Variants in MAP3K4 observed in about 807,000 individuals in gnomAD.
The protein encoded by MAP3K4 is MAP three kinase 1.
In MAP3K4, 67 loss-of-function variants were observed where a neutral mutation model predicts 185.6. The observed-to-expected ratio is 0.36, with a 90% CI of 0.30 to 0.44. The LOEUF (loss-of-function observed/expected upper bound fraction) is 0.44, where lower values mean the gene tolerates loss of function less well. Ranked by LOEUF, MAP3K4 falls within the 20% of genes least tolerant of loss-of-function variation. MAP3K4 has a pLI of 1.00. For missense variants in MAP3K4, 1,551 were observed against 1,995.1 expected (o/e 0.78, Z 4.24); for synonymous variants, 702 against 710.4 (o/e 0.99, Z 0.19).
At chr6:161,021,743 GT>G (rs1782400277) in intron 1 of MAP3K4, among the ~76,000 whole-genome samples, 1 of 152,158 alleles carries the variant, frequency 6.6e-6, no homozygotes, top group African/African-American at 2.4e-5. Context: ...ACAGTAATGT[GT>G]TTTTTCCTCT....
chr6:161,073,371 T>C lies in MAP3K4; in HGVS notation c.1951-95T>C. The C allele has an allele frequency of 7.8e-7, 1 of 1,279,854 alleles. No individual in the cohort carries two copies. The highest frequency in any genetic ancestry group is 1.0e-6 in the Non-Finnish European group (1 of 954,350). 79.3% of individuals were successfully genotyped at this position (1,279,854 alleles called of 1,614,324 possible). ...TAGGTTTTTTAGAGGCAAGGTTCCC[T>C]CTGAGTTTTTTGAAGATTTAAGTAG... On this transcript the variant is annotated intron_variant, in intron 4 of 26. Transcript: ENST00000392142. The surrounding 1 kb of genome is among the most constrained non-coding windows in gnomAD (Gnocchi z 4.2).
intron 11 of MAP3K4, among the ~76,000 whole-genome samples, chr6:161,089,830 A>G (rs1029166541): frequency 2.6e-5 from 4 of 152,208 alleles, no homozygotes; most frequent in African/African-American, 7.2e-5. Flanking sequence ...GGTACTCCAT[A>G]TCAGCAGTGT....
rs1228721037 is a variant in MAP3K4, at chr6:161,106,134, C to A, written c.3857-380C>A. On this transcript the variant is annotated intron_variant, in intron 19 of 26. Transcript: ENST00000392142. This position sits in a 1 kb window ranked among gnomAD's most constrained non-coding sequence, Gnocchi z 4.9. ...TACAAGAATGAGTCACTGCTCCAGG[C>A]CTCGTGAATTAAATTTATGTAGGAC... Among the ~76,000 whole-genome samples, 2 of 152,028 alleles carry A rather than the reference C, an allele frequency of 1.3e-5. No homozygotes were observed. Among genetic ancestry groups the A allele is most frequent in the African/African-American group, 4.8e-5 (2 of 41,386 alleles).
rs556175410 is a variant in MAP3K4, at chr6:161,034,772, C to G, written c.343+323C>G. ...ATAGATGGCCTTCTATTCTTTCAGT[C>G]TCTTAGGCTGAAGTTTCTAGATTTC... On this transcript the variant is annotated intron_variant, in intron 2 of 26. Coordinates refer to ENST00000392142, the MANE Select transcript of MAP3K4 (RefSeq NM_005922.4). This position sits in a 1 kb window ranked among gnomAD's most constrained non-coding sequence, Gnocchi z 4.4. 5.9e-5 allele frequency among the ~76,000 whole-genome samples: 9 copies of G among 152,246 alleles called. No homozygotes were observed. The highest frequency in any genetic ancestry group is 1.7e-4 in the African/African-American group (7 of 41,536).
At chr6:161,111,146 C>T (rs1178753673) in intron 23 of MAP3K4, among the ~76,000 whole-genome samples, 1 of 152,202 alleles carries the variant, frequency 6.6e-6, no homozygotes, top group Non-Finnish European at 1.5e-5. Flanking sequence ...GACCTCAGCT[C>T]ATCAGATGGC....
chr6:161,116,797 A>G lies in MAP3K4; in HGVS notation c.4807-53A>G, dbSNP rs1778606326. The stretch of plus-strand genomic sequence containing the variant: ...CGTAAGACTCATACTGCGCGTATGC[A>G]CAAGCACACACCTGGCTCTGCAAGA... On this transcript the variant is annotated intron_variant, in intron 26 of 26. Coordinates refer to ENST00000392142, the MANE Select transcript of MAP3K4 (RefSeq NM_005922.4). The surrounding 1 kb of genome is among the most constrained non-coding windows in gnomAD (Gnocchi z 6.2). 1.9e-6 allele frequency: 3 copies of G among 1,574,606 alleles called. No individual in the cohort carries two copies. The highest frequency in any genetic ancestry group is 1.7e-5 in the Admixed American group (1 of 59,886).
At chr6:161,001,261 G>C (rs1781310608) in intron 1 of MAP3K4, among the ~76,000 whole-genome samples, 1 of 151,166 alleles carries the variant, frequency 6.6e-6, no homozygotes, top group African/African-American at 2.4e-5. Flanking sequence ...AATTATAGGT[G>C]GAATCATGTA....
intron 1 of MAP3K4, among the ~76,000 whole-genome samples, chr6:161,031,493 T>C (rs1782926785): frequency 6.6e-6 from 1 of 152,198 alleles, no homozygotes. Flanking sequence ...AAGGTACTTC[T>C]TTATTTATTT....
Position 161,091,249 on chromosome 6 carries a change from C to T in MAP3K4, c.2974-130C>T, listed in dbSNP as rs1777290748. On this transcript the variant is annotated intron_variant, in intron 11 of 26. Coordinates refer to ENST00000392142, the MANE Select transcript of MAP3K4 (RefSeq NM_005922.4). The surrounding 1 kb of genome is among the most constrained non-coding windows in gnomAD (Gnocchi z 5.5). ...TAATTTCTTCTATATTTGGTAATTC[C>T]TTTACCAAGTGGCTGAATTGTTTGT... The T allele has an allele frequency of 3.2e-6, 2 of 624,972 alleles. No individual in the cohort carries two copies. Among genetic ancestry groups the T allele is most frequent in the South Asian group, 3.3e-5 (1 of 30,624 alleles). 38.7% of individuals were successfully genotyped at this position (624,972 alleles called of 1,614,324 possible). A position where few individuals can be genotyped will look rare whatever the true frequency, so the allele number is the denominator to read the frequency against.
chr6:160,998,645 A>G (rs932369548), intron 1 of MAP3K4, among the ~76,000 whole-genome samples: 1 of 152,236 alleles, frequency 6.6e-6, no homozygotes, highest in Non-Finnish European at 1.5e-5. Context: ...TAGATTAGAA[A>G]CAACTCCAAC....
At position 161,107,773 on chromosome 6, in the gene MAP3K4, A is replaced by G. The variant is rs952578924; in HGVS notation, c.4049-126A>G. Reference sequence around the variant, plus strand: ...TTTGGATCTTGCAATAGTAAACTGCAGTAAACATAATTATAGATATATAAA... The same window carrying G: ...TTTGGATCTTGCAATAGTAAACTGCGGTAAACATAATTATAGATATATAAA... On this transcript the variant is annotated intron_variant, in intron 20 of 26. Transcript: ENST00000392142. The surrounding 1 kb of genome is among the most constrained non-coding windows in gnomAD (Gnocchi z 6.2). 89 of 652,864 alleles carry G rather than the reference A, an allele frequency of 1.4e-4. No homozygotes were observed. Among genetic ancestry groups the G allele is most frequent in the Admixed American group, 5.5e-4 (17 of 31,052 alleles). The allele number at this position is 652,864 out of a possible 1,614,324, so 40.4% of individuals were successfully genotyped here.
chr6:161,045,434 T>G (rs1260152157), intron 2 of MAP3K4, among the ~76,000 whole-genome samples: 1 of 152,234 alleles, frequency 6.6e-6, no homozygotes, highest in African/African-American at 2.4e-5. Context: ...TCAGGCTTGC[T>G]GAAATGAGAT....
In MAP3K4 at chr6:161,114,992, G is replaced by T; in HGVS notation, c.4627-131G>T. ...GGCCTGTCAACCTAAAATATTGTTTGGCCCTTTCAGTAAAAATTTGCTGTC... is the reference window on the plus strand; with the variant it reads ...GGCCTGTCAACCTAAAATATTGTTTTGCCCTTTCAGTAAAAATTTGCTGTC... On this transcript the variant is annotated intron_variant, in intron 25 of 26. Coordinates refer to ENST00000392142, the MANE Select transcript of MAP3K4 (RefSeq NM_005922.4). This position sits in a 1 kb window ranked among gnomAD's most constrained non-coding sequence, Gnocchi z 4.3. The T allele has an allele frequency of 2.9e-6, 2 of 684,390 alleles. No homozygotes were observed. The highest frequency in any genetic ancestry group is 2.5e-6 in the Non-Finnish European group (1 of 406,442). The allele number at this position is 684,390 out of a possible 1,614,324, so 42.4% of individuals were successfully genotyped here.
Position 161,037,299 on chromosome 6 carries a change from A to ATCT in MAP3K4, c.343+2854_343+2856dup, listed in dbSNP as rs561630265. On this transcript the variant is annotated intron_variant, in intron 2 of 26. Transcript: ENST00000392142. This position sits in a 1 kb window ranked among gnomAD's most constrained non-coding sequence, Gnocchi z 4.2. ...CCCGGACTCCAGTCCTGGTTCCGCT[A>ATCT]TCTTCTGCGTATGCAGCCTCCATAT... 5.1e-3 allele frequency among the ~76,000 whole-genome samples: 774 copies of ATCT among 152,336 alleles called. 2 individuals carry two copies. Among genetic ancestry groups the ATCT allele is most frequent in the South Asian group, 9.5e-3 (46 of 4,828 alleles).
intron 11 of MAP3K4, among the ~76,000 whole-genome samples, chr6:161,090,853 A>C (rs977516896): frequency 6.6e-6 from 1 of 152,160 alleles, no homozygotes; most frequent in African/African-American, 2.4e-5. Flanking sequence ...GCCTCTACTC[A>C]CCATATCCCA....
Position 161,096,960 on chromosome 6 carries a change from G to A in MAP3K4, c.3428-120G>A, listed in dbSNP as rs1777600575. On this transcript the variant is annotated intron_variant, in intron 15 of 26. Transcript: ENST00000392142. The surrounding 1 kb of genome is among the most constrained non-coding windows in gnomAD (Gnocchi z 4.9). ...AATATTATTTTTTACTTATATAAATGGACTTACCTTGGTCATTGGCCAGAA... is the reference window on the plus strand; with the variant it reads ...AATATTATTTTTTACTTATATAAATAGACTTACCTTGGTCATTGGCCAGAA... 4 of 659,474 alleles carry A rather than the reference G, an allele frequency of 6.1e-6. No homozygotes were observed. Among genetic ancestry groups the A allele is most frequent in the Non-Finnish European group, 1.1e-5 (4 of 372,530 alleles). The allele number at this position is 659,474 out of a possible 1,614,324, so 40.9% of individuals were successfully genotyped here.
In MAP3K4 at chr6:161,114,678, G is replaced by A. The variant is rs1345343303; in HGVS notation, c.4627-445G>A. Among the ~76,000 whole-genome samples, 2 of 152,130 alleles carry A rather than the reference G, an allele frequency of 1.3e-5. No individual in the cohort carries two copies. Among genetic ancestry groups the A allele is most frequent in the Non-Finnish European group, 2.9e-5 (2 of 68,022 alleles). On this transcript the variant is annotated intron_variant, in intron 25 of 26. Coordinates refer to ENST00000392142, the MANE Select transcript of MAP3K4 (RefSeq NM_005922.4). The surrounding 1 kb of genome is among the most constrained non-coding windows in gnomAD (Gnocchi z 4.3). Reference sequence around the variant, plus strand: ...ATAGGATCATAATGAAATAAGCTTTGCACTAATGCAATTTTTATTTTTCAA... The same window carrying A: ...ATAGGATCATAATGAAATAAGCTTTACACTAATGCAATTTTTATTTTTCAA...
At position 161,111,985 on chromosome 6, in the gene MAP3K4, C is replaced by T. The variant is rs765366647; in HGVS notation, c.4519+27C>T. ...TAGGGACCAGCCTGGTTGTTCTTTG[C>T]ACTCTGACTTCATGCAGCCTGCTTG... On this transcript the variant is annotated intron_variant, in intron 24 of 26. Coordinates refer to ENST00000392142, the MANE Select transcript of MAP3K4 (RefSeq NM_005922.4). The T allele has an allele frequency of 3.7e-6, 6 of 1,612,014 alleles. No homozygotes were observed. In the South Asian group the frequency reaches 5.5e-5, roughly 15 times the overall value.
rs536922300 is a variant in MAP3K4 at position 160,999,374 on chromosome 6, A to C, written c.152+7291A>C. On this transcript the variant is annotated intron_variant, in intron 1 of 26. Transcript: ENST00000392142. ...AAAGTCTTTTTATATGGGAACATAA[A>C]AATGTAGATATAACTTGGTTTTCTC... is the stretch of plus-strand genomic sequence containing the variant. Among the ~76,000 whole-genome samples, 5 of 152,358 alleles carry C rather than the reference A, an allele frequency of 3.3e-5. No homozygotes were observed. In the South Asian group the frequency reaches 1.0e-3, roughly 32 times the overall value.
Sources: allele counts gnomAD v4.1 joint callset (sites outside exome capture counted in the v4.1 genomes callset), GRCh38; gene constraint gnomAD v4.1.1; non-coding constraint Gnocchi (gnomAD v3.1); transcripts MANE v1.5; gene names NCBI Gene and HGNC (gene_info 2026-07-23, HGNC 2026-07-21).